TTC7A: variants seen among roughly 807,000 people sequenced by gnomAD.
The protein encoded by TTC7A is tetratricopeptide repeat domain 7A.
In TTC7A, 110 loss-of-function variants were observed where a neutral mutation model predicts 103.7. The observed-to-expected ratio is 1.06, with a 90% CI of 0.91 to 1.24. The LOEUF (loss-of-function observed/expected upper bound fraction) is 1.24. Ranked by LOEUF, TTC7A falls within the 50% of genes most tolerant of loss-of-function variation. The pLI is 0.00. For synonymous variants in TTC7A, 521 were observed against 467.9 expected, an observed-to-expected ratio of 1.11 and a Z score of -1.47; for missense variants, 1,340 against 1,116.3, an observed-to-expected ratio of 1.20 and a Z score of -2.86.
Position 47,005,453 on chromosome 2 carries a change from C to T in TTC7A, c.1066-469C>T, listed in dbSNP as rs147861159. Reference sequence around the variant, plus strand: ...TTCCATAAAACGACTGGCCTGTGCTCCTCAAAAATGCCAGTGTCATGAGAG... The same window carrying T: ...TTCCATAAAACGACTGGCCTGTGCTTCTCAAAAATGCCAGTGTCATGAGAG... On this transcript the variant is annotated intron_variant, in intron 8 of 19. Coordinates refer to ENST00000319190, the MANE Select transcript of TTC7A (RefSeq NM_020458.4). 1.0e-3 allele frequency among the ~76,000 whole-genome samples: 159 copies of T among 152,250 alleles called. No individual in the cohort carries two copies. In the Middle Eastern group the frequency reaches 0.014, roughly 13 times the overall value.
chr2:47,049,266 G>A (rs1682624289), intron 16 of TTC7A, among the ~76,000 whole-genome samples: 2 of 152,174 alleles, frequency 1.3e-5, no homozygotes, highest in Non-Finnish European at 2.9e-5. Context: ...GGCTGCTTGT[G>A]CCCCAGGATG....
chr2:46,922,968 C>T (rs990369983), intron 2 of TTC7A, among the ~76,000 whole-genome samples: 1 of 152,208 alleles, frequency 6.6e-6, no homozygotes, highest in African/African-American at 2.4e-5. Flanking sequence ...CCAAGACCCC[C>T]TCTTTATTAC....
At chr2:46,934,566 A>C (rs889674875) in intron 2 of TTC7A, among the ~76,000 whole-genome samples, 1 of 151,782 alleles carries the variant, frequency 6.6e-6, no homozygotes, top group East Asian at 1.9e-4. Flanking sequence ...GAGCCACCCA[A>C]CCCGGCCTGT....
chr2:46,990,658 A>G (rs540814344), intron 5 of TTC7A, among the ~76,000 whole-genome samples: 1 of 152,324 alleles, frequency 6.6e-6, no homozygotes, highest in South Asian at 2.1e-4. Flanking sequence ...TCTTCCTAAC[A>G]GGACTATGAG....
intron 14 of TTC7A, 108 bp from the exon 15 acceptor site, chr2:47,029,116 G>T: frequency 7.4e-7 from 1 of 1,346,514 alleles, no homozygotes; most frequent in Non-Finnish European, 1.0e-6. Context: ...CCAGTGCCTG[G>T]GGCTCCCTTG....
intron 5 of TTC7A, 44 bp from the exon 6 acceptor site, chr2:46,993,406 G>C: frequency 1.3e-6 from 2 of 1,598,212 alleles, no homozygotes; most frequent in Non-Finnish European, 8.6e-7. Flanking sequence ...CCTTCTTTGC[G>C]AGCTAGGCTG....
chr2:47,050,161 A>C, intron 17 of TTC7A, 115 bp downstream of exon 17: 2 of 888,582 alleles, frequency 2.3e-6, no homozygotes, highest in East Asian at 5.2e-5. Flanking sequence ...CAAGCCCACC[A>C]CTGGCTCCTT....
In TTC7A at chr2:47,042,631, G is replaced by C. The variant is rs189160316; in HGVS notation, c.1803-3684G>C. ...AGTATATTTTGGGGTGGCATATTCT[G>C]GTCTCAAACAGTCATATTTTAGGGT... On this transcript the variant is annotated intron_variant, in intron 15 of 19. Transcript: ENST00000319190. 4.9e-3 allele frequency among the ~76,000 whole-genome samples: 739 copies of C among 152,074 alleles called. 5 individuals are homozygous for C. The highest frequency in any genetic ancestry group is 7.8e-3 in the Non-Finnish European group (529 of 67,988).
chr2:47,021,583 C>T (rs1168485869), intron 11 of TTC7A, among the ~76,000 whole-genome samples: 1 of 152,242 alleles, frequency 6.6e-6, no homozygotes, highest in African/African-American at 2.4e-5. Flanking sequence ...CCTGGCTTTC[C>T]TCTATGTGCC....
At chr2:47,008,316 G>A (rs911411339) in intron 10 of TTC7A, among the ~76,000 whole-genome samples, 2 of 152,228 alleles carry the variant, frequency 1.3e-5, no homozygotes, top group South Asian at 2.1e-4. Context: ...CACTGCACGT[G>A]CAAGTTAGCT....
chr2:46,981,671 T>C (rs1233588358), intron 5 of TTC7A, among the ~76,000 whole-genome samples: 3 of 152,214 alleles, frequency 2.0e-5, no homozygotes, highest in African/African-American at 7.2e-5. Context: ...GACTGTTCGA[T>C]GTGGTGCCCT....
chr2:47,029,059 G>A (rs983225513), intron 14 of TTC7A, among the ~76,000 whole-genome samples, 165 bp from the exon 15 acceptor site: 24 of 152,070 alleles, frequency 1.6e-4, no homozygotes, highest in African/African-American at 5.6e-4. Flanking sequence ...ACCCCTCCTC[G>A]CCAGGCCATC....
chr2:46,983,025 T>G (rs771862902), intron 5 of TTC7A, among the ~76,000 whole-genome samples: 1 of 151,980 alleles, frequency 6.6e-6, no homozygotes, highest in African/African-American at 2.4e-5. Flanking sequence ...AAAAGGAAAA[T>G]CAAAGCCAGT....
At chr2:46,945,495 G>T (rs557101549) in intron 1 of TTC7A, among the ~76,000 whole-genome samples, 1 of 152,186 alleles carries the variant, frequency 6.6e-6, no homozygotes, top group Non-Finnish European at 1.5e-5. Context: ...TGTTCCAGCC[G>T]CCTCGGCCTC....
chr2:47,037,854 C>G (rs1681279121), intron 15 of TTC7A, among the ~76,000 whole-genome samples: 1 of 152,116 alleles, frequency 6.6e-6, no homozygotes, highest in African/African-American at 2.4e-5. Context: ...TGTATTGAAC[C>G]CTTTCTGAAG....
chr2:47,051,909 C>T lies in TTC7A; in HGVS notation c.2152+29C>T, dbSNP rs1303428223. 3.2e-6 allele frequency: 5 copies of T among 1,586,586 alleles called. No individual in the cohort carries two copies. In the South Asian group the frequency reaches 3.4e-5, roughly 11 times the overall value. On this transcript the variant is annotated intron_variant, in intron 18 of 19. Coordinates refer to ENST00000319190, the MANE Select transcript of TTC7A (RefSeq NM_020458.4). ...AGTGCCCTGGTCCCAGTGACACACA[C>T]AGCCTGTCTGCAGGCCACCCATGCT...
intron 15 of TTC7A, among the ~76,000 whole-genome samples, chr2:47,037,569 C>T (rs535640155): frequency 1.1e-4 from 16 of 152,306 alleles, no homozygotes; most frequent in African/African-American, 3.1e-4. Flanking sequence ...GGAGCAGAGG[C>T]GAGAACCCAT....
At chr2:46,968,273 C>G (rs746927300) in intron 3 of TTC7A, among the ~76,000 whole-genome samples, 1 of 152,220 alleles carries the variant, frequency 6.6e-6, no homozygotes, top group Non-Finnish European at 1.5e-5. Context: ...GGTATTGGCA[C>G]AGAAAGGCCC....
At chr2:46,918,866 A>G (rs926880925) in intron 2 of TTC7A, among the ~76,000 whole-genome samples, 5 of 152,258 alleles carry the variant, frequency 3.3e-5, no homozygotes, top group African/African-American at 1.2e-4. Flanking sequence ...GATTAAAGAA[A>G]GTAACGACTA....
Sources: gnomAD v4.1 joint callset for allele counts (sites outside exome capture counted in the v4.1 genomes callset) on GRCh38, gnomAD v4.1.1 for gene constraint, MANE v1.5 for transcripts, NCBI Gene and HGNC (gene_info 2026-07-23, HGNC 2026-07-21) for gene names.